ZKSCAN5: variants seen among roughly 807,000 people sequenced by gnomAD.
ZKSCAN5 encodes zinc finger protein with KRAB and SCAN domains 5.
In ZKSCAN5, 28 loss-of-function variants were observed where a neutral mutation model predicts 60.0. That is an observed-to-expected ratio of 0.47 (90% CI 0.35 to 0.64). The LOEUF (loss-of-function observed/expected upper bound fraction) is 0.64. Ranked by LOEUF, ZKSCAN5 falls within the 30% of genes least tolerant of loss-of-function variation. ZKSCAN5 has a pLI of 0.01. For synonymous variants in ZKSCAN5, 361 were observed against 371.2 expected (o/e 0.97, Z 0.31); for missense variants, 881 against 1,034.6 (o/e 0.85, Z 2.04).
At chr7:99,507,895 T>C (rs961243071) in intron 2 of ZKSCAN5, among the ~76,000 whole-genome samples, 12 of 151,916 alleles carry the variant, frequency 7.9e-5, no homozygotes, top group African/African-American at 2.9e-4. Flanking sequence ...GACAGAGGCA[T>C]ACCCTATTTC....
chr7:99,529,277 A>T (rs1244231497), intron 6 of ZKSCAN5, among the ~76,000 whole-genome samples: 1 of 152,100 alleles, frequency 6.6e-6, no homozygotes, highest in Admixed American at 6.6e-5. Context: ...AGTAGCTGGG[A>T]CTACAGGCAC....
chr7:99,520,759 G>A (rs1265430497), intron 5 of ZKSCAN5, among the ~76,000 whole-genome samples: 4 of 152,042 alleles, frequency 2.6e-5, no homozygotes, highest in Non-Finnish European at 5.9e-5. Context: ...CAGCACTTCC[G>A]GAGGCTGAGG....
chr7:99,533,670 A>C lies in ZKSCAN5; in HGVS notation c.*1421A>C. 2.5e-6 allele frequency: 1 copy of C among 401,896 alleles called. No homozygotes were observed. Among genetic ancestry groups the C allele is most frequent in the Non-Finnish European group, 4.4e-6 (1 of 228,052 alleles). The allele number at this position is 401,896 out of a possible 1,614,324, so 24.9% of individuals were successfully genotyped here. On this transcript the variant is annotated 3_prime_UTR_variant, in exon 7 of 7. Transcript: ENST00000326775. ...CTGGTTCATTTGATTAAAGCGGAGA[A>C]AACTCCAGGGTGCTATGACTGCTCT...
At chr7:99,506,543 G>C (rs1800740246) in intron 2 of ZKSCAN5, 85 bp downstream of exon 2, 1 of 1,443,892 alleles carries the variant, frequency 6.9e-7, no homozygotes, top group African/African-American at 1.4e-5. Context: ...GTCCTCTGCT[G>C]CTTCATTCAT....
In ZKSCAN5 at chr7:99,531,586, C is replaced by A; in HGVS notation, c.1857C>A (p.His619Gln). Residue 619 changes from histidine to glutamine, a missense_variant, in exon 7 of 7, where the codon CAC becomes CAA. By Grantham distance (24) the His-to-Gln change is conservative (BLOSUM62 0). Coordinates refer to ENST00000326775, the MANE Select transcript of ZKSCAN5 (RefSeq NM_145102.4). ...LCGKAFRVRSHLVQHQSVHSG... is the reference protein window; with the variant it reads ...LCGKAFRVRSQLVQHQSVHSG... Reference sequence around the variant, plus strand: ...GGAAAGCCTTCAGAGTGAGGTCCCACCTTGTTCAGCATCAGAGCGTGCACA... The same window carrying A: ...GGAAAGCCTTCAGAGTGAGGTCCCAACTTGTTCAGCATCAGAGCGTGCACA... The A allele has an allele frequency of 6.2e-7, 1 of 1,614,170 alleles. No individual in the cohort carries two copies. The highest frequency in any genetic ancestry group is 1.3e-5 in the African/African-American group (1 of 75,044).
intron 6 of ZKSCAN5, among the ~76,000 whole-genome samples, chr7:99,529,555 G>A (rs1801951741): frequency 6.6e-6 from 1 of 152,114 alleles, no homozygotes; most frequent in African/African-American, 2.4e-5. Flanking sequence ...TTGGTATATT[G>A]TCTTTTCCTT....
chr7:99,506,161 G>C lies in ZKSCAN5; in HGVS notation c.117G>C (p.Gln39His). Residue 39 changes from glutamine (Q) to histidine (H), a missense_variant, in exon 2 of 7, where the codon CAG becomes CAC. Physicochemically the swap from Gln to His is conservative, Grantham distance 24. This residue lies in a region of ZKSCAN5 where 88 missense variants were observed against 65.2 expected (regional missense o/e 1.35). Coordinates refer to ENST00000326775, the MANE Select transcript of ZKSCAN5 (RefSeq NM_145102.4). Reference protein sequence around the residue: ...KVEEEDCTWMQEYNPPTFETF... With the variant: ...KVEEEDCTWMHEYNPPTFETF... ...AAGAAGAAGACTGCACCTGGATGCAGGAGTACAACCCGCCAACGTTTGAGA... is the reference window on the plus strand; with the variant it reads ...AAGAAGAAGACTGCACCTGGATGCACGAGTACAACCCGCCAACGTTTGAGA... The C allele has an allele frequency of 6.2e-7, 1 of 1,614,206 alleles. No individual in the cohort carries two copies. Among genetic ancestry groups the C allele is most frequent in the East Asian group, 2.2e-5 (1 of 44,888 alleles).
intron 2 of ZKSCAN5, among the ~76,000 whole-genome samples, 158 bp from the exon 3 acceptor site, chr7:99,512,294 AC>A (rs1241999100): frequency 1.3e-5 from 2 of 152,172 alleles, no homozygotes; most frequent in Non-Finnish European, 2.9e-5. Context: ...CTAGAAGTAA[AC>A]CATGTTTATT....
intron 3 of ZKSCAN5, among the ~76,000 whole-genome samples, chr7:99,518,652 G>C (rs1801375689): frequency 6.7e-6 from 1 of 149,662 alleles, no homozygotes; most frequent in African/African-American, 2.5e-5. Context: ...ATTTGATCTT[G>C]GCAAAGCAGA....
intron 2 of ZKSCAN5, among the ~76,000 whole-genome samples, chr7:99,510,611 A>G (rs998539105): frequency 2.0e-4 from 30 of 151,132 alleles, no homozygotes; most frequent in Non-Finnish European, 3.7e-4. Context: ...CACCAGGCTA[A>G]CTTTGTATTT....
chr7:99,533,461 G>A lies in ZKSCAN5; in HGVS notation c.*1212G>A. ...CCCAATAAATATTTGTTGACCATAT[G>A]TGTTGTACACTGTGGTGCCCTGTCC... On this transcript the variant is annotated 3_prime_UTR_variant, in exon 7 of 7. Transcript: ENST00000326775. 1 of 528,724 alleles carries A rather than the reference G, an allele frequency of 1.9e-6. No individual in the cohort carries two copies. The highest frequency in any genetic ancestry group is 1.9e-5 in the African/African-American group (1 of 53,266). 32.8% of individuals were successfully genotyped at this position (528,724 alleles called of 1,614,324 possible).
intron 2 of ZKSCAN5, among the ~76,000 whole-genome samples, chr7:99,511,755 G>T (rs1227702222): frequency 8.3e-5 from 2 of 24,208 alleles, no homozygotes; most frequent in African/African-American, 3.1e-4. Flanking sequence ...TCTCTGCCTG[G>T]GTCACTTCTA....
At chr7:99,518,963 CGT>C (rs1225192118) in intron 3 of ZKSCAN5, among the ~76,000 whole-genome samples, 32 of 144,154 alleles carry the variant, frequency 2.2e-4, no homozygotes, top group African/African-American at 3.1e-4. Context: ...CGTGAGCCAC[CGT>C]ACCTGGCCCC....
chr7:99,518,102 G>A (rs960383096), intron 3 of ZKSCAN5, among the ~76,000 whole-genome samples: 6 of 152,134 alleles, frequency 3.9e-5, no homozygotes, highest in East Asian at 1.9e-4. Flanking sequence ...CCAGGAAGCC[G>A]TGGCACTGGC....
At chr7:99,524,943 C>G (rs1364931649) in intron 5 of ZKSCAN5, among the ~76,000 whole-genome samples, 11 of 150,138 alleles carry the variant, frequency 7.3e-5, no homozygotes, top group Admixed American at 1.3e-4. Context: ...CCGAGGCGGG[C>G]AGATCACTAG....
chr7:99,519,799 A>C (rs1264241547), intron 3 of ZKSCAN5, 28 bp from the exon 4 acceptor site: 1 of 1,598,100 alleles, frequency 6.3e-7, no homozygotes, highest in Non-Finnish European at 8.6e-7. Flanking sequence ...AGATGTTCTC[A>C]CTTAAACCTC....
intron 2 of ZKSCAN5, among the ~76,000 whole-genome samples, chr7:99,510,945 T>C (rs1253163170): frequency 6.6e-6 from 1 of 152,074 alleles, no homozygotes; most frequent in African/African-American, 2.4e-5. Flanking sequence ...GGTCTCGCCA[T>C]GTTGCCCAAG....
Position 99,512,515 on chromosome 7 carries a change from C to G in ZKSCAN5, c.477C>G (p.Ser159=), listed in dbSNP as rs1298498399. Residue 159 remains serine (S), a synonymous_variant, in exon 3 of 7, where the codon TCC becomes TCG. Transcript: ENST00000326775. ...CAACACCTGGAGCAGTGCAGGAGTC[C>G]TGCAGCCCCCATCCCCTGACCGTGG... ...KMATPGAVQE[S]CSPHPLTVDT... 6.2e-7 allele frequency: 1 copy of G among 1,614,010 alleles called. No individual in the cohort carries two copies. The highest frequency in any genetic ancestry group is 8.5e-7 in the Non-Finnish European group (1 of 1,180,008).
chr7:99,530,705 GT>G (rs1802003632), intron 6 of ZKSCAN5, among the ~76,000 whole-genome samples: 1 of 152,060 alleles, frequency 6.6e-6, no homozygotes, highest in African/African-American at 2.4e-5. Flanking sequence ...TGTTACTCCC[GT>G]TACATCATAG....
Sources: gnomAD v4.1 joint callset for allele counts (sites outside exome capture counted in the v4.1 genomes callset) on GRCh38, gnomAD v4.1.1 for gene constraint, gnomAD v4.1.1 regional missense constraint, MANE v1.5 for transcripts, NCBI Gene and HGNC (gene_info 2026-07-23, HGNC 2026-07-21) for gene names.